Variants in NEDD4 observed in about 807,000 individuals in gnomAD.
NEDD4 encodes E3 ubiquitin-protein ligase NEDD4.
A neutral mutation model predicts 144.9 loss-of-function variants in NEDD4; 99 were observed. The ratio of observed to expected loss-of-function variants is 0.68; its 90% CI spans 0.58 to 0.81. The LOEUF (loss-of-function observed/expected upper bound fraction) is 0.81. NEDD4 is among the 30% of genes least tolerant of loss of function. NEDD4 has a pLI of 0.00. For missense variants in NEDD4, 985 were observed against 1,065.9 expected (o/e 0.92, Z 1.06); for synonymous variants, 318 against 350.6 (o/e 0.91, Z 1.04).
chr15:55,855,367 G>GAT (rs2034149268), intron 12 of NEDD4, among the ~76,000 whole-genome samples: 1 of 152,186 alleles, frequency 6.6e-6, no homozygotes, highest in Admixed American at 6.5e-5. Context: ...AGAAGCGGGA[G>GAT]AGAATCAGGA....
chr15:55,873,913 T>A (rs2034897232), intron 6 of NEDD4, 45 bp downstream of exon 6: 2 of 1,100,860 alleles, frequency 1.8e-6, no homozygotes, highest in Non-Finnish European at 2.6e-6. Context: ...TTTATTAAAT[T>A]AAAAAAATAA....
At chr15:55,869,862 T>TATAAATAAATAAATAAATAAATAA (rs778928932) in intron 7 of NEDD4, among the ~76,000 whole-genome samples, 181 bp from the exon 8 acceptor site, 1 of 79,520 alleles carries the variant, frequency 1.3e-5, no homozygotes, top group Admixed American at 1.2e-4. Flanking sequence ...GGCAAACATA[T>TATAAATAAATAAATAAATAAATAA]ATAAATAAAT....
intron 13 of NEDD4, among the ~76,000 whole-genome samples, chr15:55,852,141 C>T (rs563104935): frequency 9.9e-5 from 15 of 151,844 alleles, no homozygotes; most frequent in Middle Eastern, 3.4e-3. Context: ...ACTAAAAATA[C>T]AAAAATTAGC....
At chr15:55,936,866 C>A (rs1235614630) in intron 4 of NEDD4, among the ~76,000 whole-genome samples, 1 of 151,418 alleles carries the variant, frequency 6.6e-6, no homozygotes, top group African/African-American at 2.4e-5. Context: ...GAACTCGGCT[C>A]ACTGCAACCT....
chr15:55,970,169 C>T lies in NEDD4; in HGVS notation c.46-3623G>A, dbSNP rs942553287. ...GGGCAGTGGTGGCCATGGGCAGAGA[C>T]TCTGTCTGCTTGAGAAAATCAAAGG... On this transcript the variant is annotated intron_variant, in intron 1 of 28. Coordinates refer to ENST00000435532, the MANE Select transcript of NEDD4 (RefSeq NM_006154.4). Among the ~76,000 whole-genome samples the T allele has an allele frequency of 1.7e-4, 26 of 152,106 alleles. 1 individual carries two copies. Among genetic ancestry groups the T allele is most frequent in the Non-Finnish European group, 1.3e-4 (9 of 68,012 alleles).
chr15:55,926,597 C>T (rs1408050873), intron 4 of NEDD4, among the ~76,000 whole-genome samples: 1 of 151,656 alleles, frequency 6.6e-6, no homozygotes, highest in Non-Finnish European at 1.5e-5. Context: ...GGGAGACCAT[C>T]TCTACAAAAA....
chr15:55,980,774 T>C (rs1472764742), intron 1 of NEDD4, among the ~76,000 whole-genome samples: 1 of 152,018 alleles, frequency 6.6e-6, no homozygotes, highest in Admixed American at 6.6e-5. Flanking sequence ...CTAGCATTCA[T>C]TTTTAGTGTG....
At chr15:55,985,896 C>T (rs1401587357) in intron 1 of NEDD4, among the ~76,000 whole-genome samples, 1 of 152,058 alleles carries the variant, frequency 6.6e-6, no homozygotes, top group African/African-American at 2.4e-5. Flanking sequence ...AGGACCAGTG[C>T]TTCTAGGGAA....
At chr15:55,872,597 G>C (rs1595778465) in intron 6 of NEDD4, 121 bp from the exon 7 acceptor site, 1 of 373,416 alleles carries the variant, frequency 2.7e-6, no homozygotes, top group East Asian at 4.3e-5. Context: ...AAAAAAAGTA[G>C]CTTTAGTTTA....
At chr15:55,899,822 G>A (rs756595183) in intron 5 of NEDD4, among the ~76,000 whole-genome samples, 19 of 152,234 alleles carry the variant, frequency 1.2e-4, no homozygotes, top group Admixed American at 5.9e-4. Flanking sequence ...CACAGGAAAT[G>A]TGTCTAGTGC....
Position 55,869,500 on chromosome 15 carries a change from A to G in NEDD4, c.507+79T>C, listed in dbSNP as rs1278799152. On this transcript the variant is annotated intron_variant, in intron 8 of 28. Coordinates refer to ENST00000435532, the MANE Select transcript of NEDD4 (RefSeq NM_006154.4). ...TCATTGCACATGTTAACTTCATTCA[A>G]TAGTTATTGTTCTTCAGAGTACAGT... is the stretch of plus-strand genomic sequence containing the variant. 8 of 774,130 alleles carry G rather than the reference A, an allele frequency of 1.0e-5. No individual in the cohort carries two copies. The African/African-American group carries it at 1.2e-4, about 12-fold the overall frequency. 48.0% of individuals were successfully genotyped at this position (774,130 alleles called of 1,614,324 possible).
intron 21 of NEDD4, among the ~76,000 whole-genome samples, chr15:55,839,472 T>A (rs1361197571): frequency 1.3e-5 from 2 of 152,172 alleles, no homozygotes; most frequent in African/African-American, 4.8e-5. Flanking sequence ...AGAATCACAC[T>A]GTTTGTGCTG....
intron 5 of NEDD4, chr15:55,917,065 A>C: frequency 7.9e-7 from 1 of 1,259,336 alleles, no homozygotes; most frequent in Admixed American, 3.8e-5. Flanking sequence ...AATCGCTTGT[A>C]GTCAAAATGC....
At chr15:55,976,591 T>C (rs1038871691) in intron 1 of NEDD4, among the ~76,000 whole-genome samples, 4 of 151,032 alleles carry the variant, frequency 2.6e-5, no homozygotes, top group Admixed American at 2.6e-4. Context: ...GGCAAGAACG[T>C]GGCAAAAGGG....
At position 55,850,719 on chromosome 15, in the gene NEDD4, C is replaced by G. The variant is rs758621928; in HGVS notation, c.1170G>C (p.Leu390=). The change falls in exon 14 of 29, where the codon CTG becomes CTC. Residue 390 remains leucine, a synonymous_variant. Transcript: ENST00000435532. ...GGCCTGCAGAACTCTGGCTTGAGGT[C>G]AGCTGACTGGTCTCCACTGTGGCCT... ...TVQATVETSQ[L]TSSQSSAGPQ... 6 of 1,613,646 alleles carry G rather than the reference C, an allele frequency of 3.7e-6. No homozygotes were observed. The Admixed American group carries it at 1.0e-4, about 27-fold the overall frequency.
intron 4 of NEDD4, among the ~76,000 whole-genome samples, chr15:55,939,813 C>A (rs567455538): frequency 5.9e-5 from 9 of 152,056 alleles, no homozygotes; most frequent in Admixed American, 3.3e-4. Flanking sequence ...TAAAGGTTCC[C>A]CAAAAAATTA....
intron 15 of NEDD4, 47 bp downstream of exon 15, chr15:55,848,759 T>TAA (rs2033854885): frequency 1.3e-6 from 2 of 1,546,530 alleles, no homozygotes; most frequent in Admixed American, 3.4e-5. Flanking sequence ...AAATGCAAAA[T>TAA]ATTTGAGATA....
Position 55,848,843 on chromosome 15 carries a change from G to A in NEDD4, c.1391C>T (p.Thr464Ile). ...TAGATCATTGGAAGTATCAAGTGATGTCTTTCCTCTCAGATGGGCTGGAAT... is the reference window on the plus strand; with the variant it reads ...TAGATCATTGGAAGTATCAAGTGATATCTTTCCTCTCAGATGGGCTGGAAT... ...LKIPAHLRGK[T>I]SLDTSNDLGP... Residue 464 changes from threonine (T) to isoleucine (I), a missense_variant, in exon 15 of 29, where the codon ACA (threonine) becomes ATA (isoleucine). Transcript: ENST00000435532. 2 of 1,613,786 alleles carry A rather than the reference G, an allele frequency of 1.2e-6. No individual in the cohort carries two copies. The highest frequency in any genetic ancestry group is 1.7e-4 in the Middle Eastern group (1 of 6,056).
At chr15:55,883,440 C>T (rs1438341132) in intron 5 of NEDD4, among the ~76,000 whole-genome samples, 2 of 152,166 alleles carry the variant, frequency 1.3e-5, no homozygotes, top group African/African-American at 2.4e-5. Flanking sequence ...TCTGAATGCA[C>T]TCTGGGCCCA....
Sources: allele counts gnomAD v4.1 joint callset (sites outside exome capture counted in the v4.1 genomes callset), GRCh38; gene constraint gnomAD v4.1.1; transcripts MANE v1.5; gene names NCBI Gene and HGNC (gene_info 2026-07-23, HGNC 2026-07-21).